The following FARSB variants were observed in gnomAD, a reference collection of about 807,000 sequenced individuals.
FARSB encodes the protein phenylalanine--tRNA ligase beta subunit.
A neutral mutation model predicts 69.6 loss-of-function variants in FARSB; 40 were observed. The ratio of observed to expected loss-of-function variants is 0.57; its 90% CI spans 0.45 to 0.75. The LOEUF is 0.75. Ranked by LOEUF, FARSB falls within the 30% of genes least tolerant of loss-of-function variation. The pLI is 0.00. For missense variants in FARSB, 632 were observed against 722.9 expected, an observed-to-expected ratio of 0.87 and a Z score of 1.44; for synonymous variants, 235 against 247.2, an observed-to-expected ratio of 0.95 and a Z score of 0.46.
chr2:222,587,604 C>A (rs1296357242), intron 16 of FARSB, among the ~76,000 whole-genome samples: 1 of 152,016 alleles, frequency 6.6e-6, no homozygotes. Context: ...AATTGATAGA[C>A]CACTAGCAGA....
Position 222,624,417 on chromosome 2 carries a change from C to G in FARSB, c.1025G>C (p.Gly342Ala). 6.2e-7 allele frequency: 1 copy of G among 1,613,302 alleles called. No homozygotes were observed. Among genetic ancestry groups the G allele is most frequent in the Non-Finnish European group, 8.5e-7 (1 of 1,179,288 alleles). The change falls in exon 12 of 17, where the codon GGT becomes GCT. Residue 342 changes from glycine (G) to alanine (A), a missense_variant. Physicochemically the swap from Gly to Ala is moderately conservative, Grantham distance 60. Coordinates refer to ENST00000281828, the MANE Select transcript of FARSB (RefSeq NM_005687.5). ...TRMYLKSEVI[G>A]DGNQIEIEIP... Reference sequence around the variant, plus strand: ...TTCAATCTCAATCTGATTCCCATCACCTATGACTTCTGATTTTAAATACAT... The same window carrying G: ...TTCAATCTCAATCTGATTCCCATCAGCTATGACTTCTGATTTTAAATACAT...
At chr2:222,624,529 TG>T in intron 11 of FARSB, 50 bp from the exon 12 acceptor site, 1 of 1,307,094 alleles carries the variant, frequency 7.7e-7, no homozygotes, top group Non-Finnish European at 1.1e-6. Flanking sequence ...ATTTTTTTAA[TG>T]TTTACATTGT....
chr2:222,594,017 G>A (rs1189167418), intron 16 of FARSB, among the ~76,000 whole-genome samples: 1 of 149,194 alleles, frequency 6.7e-6, no homozygotes, highest in Non-Finnish European at 1.5e-5. Flanking sequence ...AACACTTCGG[G>A]AGGCCAAGGC....
At chr2:222,577,182 G>GA (rs1689859575) in intron 16 of FARSB, among the ~76,000 whole-genome samples, 1 of 152,170 alleles carries the variant, frequency 6.6e-6, no homozygotes, top group South Asian at 2.1e-4. Context: ...TCAGTTGGGA[G>GA]AAAATGTCTC....
chr2:222,648,686 A>G, intron 2 of FARSB, 54 bp downstream of exon 2: 1 of 1,092,142 alleles, frequency 9.2e-7, no homozygotes. Flanking sequence ...ATAACCCTGA[A>G]AAATAAGCTT....
At chr2:222,619,014 C>T (rs1359384057) in intron 14 of FARSB, among the ~76,000 whole-genome samples, 1 of 151,318 alleles carries the variant, frequency 6.6e-6, no homozygotes, top group African/African-American at 2.4e-5. Context: ...TAGTGGCGGG[C>T]GCCTGTAGTC....
intron 1 of FARSB, 122 bp from the exon 2 acceptor site, chr2:222,648,917 A>T: frequency 1.4e-6 from 1 of 728,444 alleles, no homozygotes; most frequent in Non-Finnish European, 2.5e-6. Context: ...AATATCAGGC[A>T]TCACATATTA....
chr2:222,575,823 C>G (rs1480956288), intron 16 of FARSB, among the ~76,000 whole-genome samples: 1 of 152,158 alleles, frequency 6.6e-6, no homozygotes. Flanking sequence ...GACGGCAGGA[C>G]CACTCTGAGG....
Position 222,572,028 on chromosome 2 carries a change from A to G in FARSB, c.1619-6T>C, listed in dbSNP as rs1303660005. 1 of 1,606,842 alleles carries G rather than the reference A, an allele frequency of 6.2e-7. No homozygotes were observed. ...CCCGGGGAAGAAAGCAGGCCCTGAA[A>G]AAGAGAAAGTAAGAGAAAAATCAAT... On this transcript the variant is annotated splice_region_variant and splice_polypyrimidine_tract_variant and intron_variant, in intron 16 of 16. Transcript: ENST00000281828.
intron 16 of FARSB, among the ~76,000 whole-genome samples, chr2:222,599,250 A>C (rs569584141): frequency 2.0e-5 from 3 of 152,320 alleles, no homozygotes; most frequent in African/African-American, 7.2e-5. Context: ...TTGTTTCTGG[A>C]CCTTTCATCT....
At chr2:222,592,621 A>C (rs1195594423) in intron 16 of FARSB, among the ~76,000 whole-genome samples, 1 of 151,014 alleles carries the variant, frequency 6.6e-6, no homozygotes, top group South Asian at 2.1e-4. Context: ...TTCTTTTATA[A>C]TTCTTTGTAT....
At position 222,653,178 on chromosome 2, in the gene FARSB, T is replaced by C. The variant is rs188713568; in HGVS notation, c.58+2838A>G. 1.1e-4 allele frequency among the ~76,000 whole-genome samples: 16 copies of C among 152,178 alleles called. No homozygotes were observed. The East Asian group carries it at 2.5e-3, about 24-fold the overall frequency. ...GGAAACCATCTGCACAGAAAGTCCG[T>C]TGAAAAGGTAGACTAAGGAGACAAA... On this transcript the variant is annotated intron_variant, in intron 1 of 16. Transcript: ENST00000281828.
At chr2:222,630,642 C>T (rs1362516630) in intron 8 of FARSB, among the ~76,000 whole-genome samples, 1 of 151,998 alleles carries the variant, frequency 6.6e-6, no homozygotes, top group Non-Finnish European at 1.5e-5. Flanking sequence ...ATGTAGTAAA[C>T]ACCATATAGA....
chr2:222,602,291 T>C (rs1371817674), intron 15 of FARSB, among the ~76,000 whole-genome samples: 2 of 152,186 alleles, frequency 1.3e-5, no homozygotes, highest in African/African-American at 4.8e-5. Flanking sequence ...GATCTTGTAG[T>C]GATAATTATA....
intron 4 of FARSB, among the ~76,000 whole-genome samples, chr2:222,640,468 CA>C (rs1316286663): frequency 2.0e-5 from 3 of 150,640 alleles, no homozygotes; most frequent in African/African-American, 7.4e-5. Flanking sequence ...CTAAAAAATA[CA>C]AAAAATTAGC....
At chr2:222,591,535 A>G (rs1262922371) in intron 16 of FARSB, among the ~76,000 whole-genome samples, 1 of 152,222 alleles carries the variant, frequency 6.6e-6, no homozygotes, top group Non-Finnish European at 1.5e-5. Context: ...CACACAAAAG[A>G]AAAGCAAGTG....
chr2:222,601,928 G>T (rs1370091582), intron 15 of FARSB, among the ~76,000 whole-genome samples: 3 of 152,114 alleles, frequency 2.0e-5, no homozygotes. Context: ...CTCCCAAAGT[G>T]CTGGAATTAA....
rs1372706416 is a variant in FARSB at position 222,570,270 on chromosome 2, T to C, written c.*1601A>G. 3.9e-5 allele frequency among the ~76,000 whole-genome samples: 6 copies of C among 152,254 alleles called. No individual in the cohort carries two copies. The highest frequency in any genetic ancestry group is 1.4e-4 in the African/African-American group (6 of 41,470). On this transcript the variant is annotated 3_prime_UTR_variant, in exon 17 of 17. Transcript: ENST00000281828. ...TTATTATTAAGTTTTAAGAAATCTT[T>C]ATGCATGCTGGATACAAGTCCTTTT...
chr2:222,624,639 T>C lies in FARSB; in HGVS notation c.962+75A>G, dbSNP rs190993104. ...GATGTTTTATCATTCCTTAACAGAC[T>C]CTGAAGGATCGCAAAAAAAAAATTA... On this transcript the variant is annotated intron_variant, in intron 11 of 16. Transcript: ENST00000281828. The C allele has an allele frequency of 7.6e-4, 781 of 1,024,912 alleles. 5 individuals are homozygous for C. The African/African-American group carries it at 0.011, about 15-fold the overall frequency. 63.5% of individuals were successfully genotyped at this position (1,024,912 alleles called of 1,614,324 possible).
Sources: gnomAD v4.1 joint callset for allele counts (sites outside exome capture counted in the v4.1 genomes callset) on GRCh38, gnomAD v4.1.1 for gene constraint, MANE v1.5 for transcripts, NCBI Gene and HGNC (gene_info 2026-07-23, HGNC 2026-07-21) for gene names.